Variants in INPP5A observed in about 807,000 individuals in gnomAD.
The protein encoded by INPP5A is 43 kDa inositol polyphosphate 5-phophatase.
INPP5A carries 14 observed loss-of-function variants against 65.2 expected under a neutral mutation model. That is an observed-to-expected ratio of 0.21 (90% CI 0.14 to 0.34). The LOEUF is 0.34. Ranked by LOEUF, INPP5A falls within the 10% of genes least tolerant of loss-of-function variation. The pLI is 1.00. For missense variants in INPP5A, 431 were observed against 545.6 expected (o/e 0.79, Z 2.09); for synonymous variants, 207 against 208.3 (o/e 0.99, Z 0.05).
At chr10:132,690,351 C>A in intron 4 of INPP5A, 41 bp from the exon 5 acceptor site, 1 of 1,234,136 alleles carries the variant, frequency 8.1e-7, no homozygotes, top group Non-Finnish European at 1.2e-6. Flanking sequence ...GAAATATTCC[C>A]AGCACCAGTC....
intron 4 of INPP5A, among the ~76,000 whole-genome samples, chr10:132,658,150 G>T (rs1188809057): frequency 3.3e-5 from 5 of 152,246 alleles, no homozygotes; most frequent in Non-Finnish European, 7.3e-5. Flanking sequence ...GGTGTTGAAA[G>T]TAAATAAACA....
At chr10:132,607,692 G>A (rs932034976) in intron 1 of INPP5A, among the ~76,000 whole-genome samples, 4 of 152,228 alleles carry the variant, frequency 2.6e-5, no homozygotes, top group Non-Finnish European at 4.4e-5. Flanking sequence ...AGAGTGCATC[G>A]TGCACCATGT....
chr10:132,720,156 G>A (rs1301803654), intron 8 of INPP5A, among the ~76,000 whole-genome samples: 1 of 150,634 alleles, frequency 6.6e-6, no homozygotes, highest in African/African-American at 2.4e-5. Flanking sequence ...TCAGGGTTCT[G>A]TGGTACCTGG....
intron 8 of INPP5A, among the ~76,000 whole-genome samples, chr10:132,719,173 T>C (rs1233301829): frequency 2.7e-5 from 4 of 146,678 alleles, no homozygotes; most frequent in African/African-American, 5.0e-5. Flanking sequence ...ACGGCTGTCT[T>C]GCGGGTTCTG....
chr10:132,648,379 C>T (rs1337126327), intron 3 of INPP5A, among the ~76,000 whole-genome samples: 6 of 152,242 alleles, frequency 3.9e-5, no homozygotes, highest in Admixed American at 1.3e-4. Context: ...TAATGTACAG[C>T]GTTATGATTT....
rs961071106 is a variant in INPP5A, at chr10:132,698,455, T to C, written c.474+536T>C. 6.6e-6 allele frequency among the ~76,000 whole-genome samples: 1 copy of C among 152,268 alleles called. No individual in the cohort carries two copies. The highest frequency in any genetic ancestry group is 1.5e-5 in the Non-Finnish European group (1 of 68,044). On this transcript the variant is annotated intron_variant, in intron 6 of 15. Transcript: ENST00000368594. The surrounding 1 kb of genome is among the most constrained non-coding windows in gnomAD (Gnocchi z 5.5). ...GTGTGGAAGGCATTTGTCGTCTCACTGCCAGACACGGTGTTGATGAGAAAT... is the reference window on the plus strand; with the variant it reads ...GTGTGGAAGGCATTTGTCGTCTCACCGCCAGACACGGTGTTGATGAGAAAT...
chr10:132,589,641 C>T (rs76092994), intron 1 of INPP5A, among the ~76,000 whole-genome samples: 156 of 152,344 alleles, frequency 1.0e-3, no homozygotes, highest in Non-Finnish European at 2.0e-3. Flanking sequence ...CCCAGAACCC[C>T]GAGTGCTCCC....
chr10:132,546,958 C>T lies in INPP5A; in HGVS notation c.75+8787C>T, dbSNP rs945887816. 3.9e-5 allele frequency among the ~76,000 whole-genome samples: 6 copies of T among 152,336 alleles called. No individual in the cohort carries two copies. Among genetic ancestry groups the T allele is most frequent in the Admixed American group, 2.0e-4 (3 of 15,298 alleles). On this transcript the variant is annotated intron_variant, in intron 1 of 15. Coordinates refer to ENST00000368594, the MANE Select transcript of INPP5A (RefSeq NM_005539.5). The surrounding 1 kb of genome is among the most constrained non-coding windows in gnomAD (Gnocchi z 5.7). ...CTGGTTAGCAGGCTGTGTCATCTGCCGCAGACAGCCTTCCTTTCTGCGTCC... is the reference window on the plus strand; with the variant it reads ...CTGGTTAGCAGGCTGTGTCATCTGCTGCAGACAGCCTTCCTTTCTGCGTCC...
intron 2 of INPP5A, among the ~76,000 whole-genome samples, chr10:132,626,314 G>A (rs966271322): frequency 3.9e-5 from 6 of 152,222 alleles, no homozygotes; most frequent in Non-Finnish European, 7.4e-5. Context: ...ATGTGGACAC[G>A]CAGGCTTCCC....
At chr10:132,572,978 G>A (rs555353280) in intron 1 of INPP5A, among the ~76,000 whole-genome samples, 1 of 152,076 alleles carries the variant, frequency 6.6e-6, no homozygotes, top group East Asian at 2.0e-4. Flanking sequence ...CGTGCCGTGT[G>A]AGGTTTTGTT....
At chr10:132,563,324 C>T (rs1298650899) in intron 1 of INPP5A, among the ~76,000 whole-genome samples, 3 of 152,128 alleles carry the variant, frequency 2.0e-5, no homozygotes, top group South Asian at 2.1e-4. Context: ...CGGGGCCGAG[C>T]TCTGCTCTGG....
rs565819525 is a variant in INPP5A, at chr10:132,603,528, GA to G, written c.76-4385del. ...AACAGACACTGAAGTGAAACTCAAG[GA>G]ACTTCTGAATTTGAGATAAATATTT... On this transcript the variant is annotated intron_variant, in intron 1 of 15. Transcript: ENST00000368594. This position sits in a 1 kb window ranked among gnomAD's most constrained non-coding sequence, Gnocchi z 4.2. 1.9e-4 allele frequency among the ~76,000 whole-genome samples: 29 copies of G among 152,256 alleles called. No individual in the cohort carries two copies. The South Asian group carries it at 5.4e-3, about 28-fold the overall frequency.
intron 1 of INPP5A, among the ~76,000 whole-genome samples, chr10:132,602,481 GAC>G (rs1313897141): frequency 1.3e-5 from 2 of 152,082 alleles, no homozygotes; most frequent in Non-Finnish European, 2.9e-5. Flanking sequence ...TTTTAGTAGA[GAC>G]AGGGTTTTGT....
chr10:132,679,214 T>C (rs1777008267), intron 4 of INPP5A, among the ~76,000 whole-genome samples: 1 of 152,172 alleles, frequency 6.6e-6, no homozygotes, highest in African/African-American at 2.4e-5. Flanking sequence ...GGTTCTGTAA[T>C]CCGTAGAACC....
chr10:132,538,263 T>C lies in INPP5A; in HGVS notation c.75+92T>C. 1.4e-6 allele frequency: 1 copy of C among 691,676 alleles called. No homozygotes were observed. Among genetic ancestry groups the C allele is most frequent in the Non-Finnish European group, 2.0e-6 (1 of 512,716 alleles). 42.8% of individuals were successfully genotyped at this position (691,676 alleles called of 1,614,324 possible). ...ACTGCAAGCCTTGGACCCTGGACCG[T>C]GAACCTCCAGACCCAGAGGCCCCAG... is the stretch of plus-strand genomic sequence containing the variant. On this transcript the variant is annotated intron_variant, in intron 1 of 15. Coordinates refer to ENST00000368594, the MANE Select transcript of INPP5A (RefSeq NM_005539.5). The surrounding 1 kb of genome is among the most constrained non-coding windows in gnomAD (Gnocchi z 4.1).
In INPP5A at chr10:132,776,832, C is replaced by A. The variant is rs78531101; in HGVS notation, c.978-839C>A. ...TCCAGACTCGGCGGGTAGTGGGGGC[C>A]ATGGCCATGAGGCTCCAGGCTGGTG... On this transcript the variant is annotated intron_variant, in intron 12 of 15. Transcript: ENST00000368594. 4.6e-5 allele frequency among the ~76,000 whole-genome samples: 7 copies of A among 151,992 alleles called. No homozygotes were observed. The East Asian group carries it at 1.2e-3, about 25-fold the overall frequency.
intron 7 of INPP5A, 123 bp from the exon 8 acceptor site, chr10:132,710,214 C>G: frequency 8.9e-7 from 1 of 1,125,300 alleles, no homozygotes; most frequent in Non-Finnish European, 1.3e-6. Flanking sequence ...TGCCCCGCCT[C>G]GGGTGGCTCC....
intron 4 of INPP5A, among the ~76,000 whole-genome samples, chr10:132,685,061 A>T (rs1385938759): frequency 5.9e-5 from 9 of 151,498 alleles, no homozygotes; most frequent in African/African-American, 1.7e-4. Context: ...TATTTTATTA[A>T]AAAAAAAAAC....
chr10:132,711,630 G>A (rs915027948), intron 8 of INPP5A, among the ~76,000 whole-genome samples: 2 of 152,210 alleles, frequency 1.3e-5, no homozygotes, highest in East Asian at 1.9e-4. Context: ...CTAAGCGTGC[G>A]AGGGCCTGGA....
Sources: allele counts gnomAD v4.1 joint callset (sites outside exome capture counted in the v4.1 genomes callset), GRCh38; gene constraint gnomAD v4.1.1; non-coding constraint Gnocchi (gnomAD v3.1); transcripts MANE v1.5; gene names NCBI Gene and HGNC (gene_info 2026-07-23, HGNC 2026-07-21).